ASIP: variants seen among roughly 807,000 people sequenced by gnomAD.
The protein encoded by ASIP is agouti signaling protein.
Under a neutral mutation model 10.3 loss-of-function variants are expected in ASIP, and 11 were observed. That is an observed-to-expected ratio of 1.07 (90% CI 0.68 to 1.78). ASIP has a LOEUF of 1.78. Among genes scored for constraint, ASIP ranks in the 40% most tolerant of loss-of-function variants. ASIP has a pLI of 0.00. For synonymous variants in ASIP, 70 were observed against 70.8 expected, an observed-to-expected ratio of 0.99 and a Z score of 0.06; for missense variants, 180 against 169.2, an observed-to-expected ratio of 1.06 and a Z score of -0.35.
intron 1 of ASIP, chr20:34,213,924 T>G: frequency 6.3e-7 from 1 of 1,577,686 alleles, no homozygotes; most frequent in Non-Finnish European, 8.6e-7. Context: ...GACAGTCTGC[T>G]AGAGAGGCTT....
chr20:34,248,735 G>A (rs1191194733), intron 1 of ASIP, among the ~76,000 whole-genome samples: 1 of 152,078 alleles, frequency 6.6e-6, no homozygotes. Flanking sequence ...AGGAGGTCAA[G>A]GCTGCAGTGA....
At chr20:34,237,243 G>A (rs1373146372), upstream of ASIP, among the ~76,000 whole-genome samples, 2 of 141,962 alleles carry the variant, frequency 1.4e-5, no homozygotes, top group African/African-American at 6.2e-5. Context: ...ATTTTAGAAT[G>A]GGTTTTTTTT....
chr20:34,253,147 GC>G (rs1367237002), intron 1 of ASIP, among the ~76,000 whole-genome samples: 3 of 148,702 alleles, frequency 2.0e-5, no homozygotes, highest in Admixed American at 6.8e-5. Context: ...TCGCTCTGTT[GC>G]CCAGGCTGGA....
chr20:34,253,492 A>C (rs368310658), intron 1 of ASIP, among the ~76,000 whole-genome samples: 2 of 147,530 alleles, frequency 1.4e-5, no homozygotes. Flanking sequence ...TATTTTTTAG[A>C]GACAGAGTCT....
At chr20:34,258,769 AATAT>A (rs1354827327) in intron 1 of ASIP, among the ~76,000 whole-genome samples, 3 of 96,324 alleles carry the variant, frequency 3.1e-5, no homozygotes, top group Admixed American at 1.5e-4. Context: ...TGATATATAT[AATAT>A]ATATAGTATA....
intron 1 of ASIP, chr20:34,214,118 G>GA: frequency 8.9e-7 from 1 of 1,119,880 alleles, no homozygotes; most frequent in South Asian, 1.2e-5. Context: ...AGGACTGGTG[G>GA]CCATTCTCAG....
chr20:34,234,211 T>G (rs1473158492), intron 1 of ASIP, among the ~76,000 whole-genome samples: 1 of 152,226 alleles, frequency 6.6e-6, no homozygotes, highest in Non-Finnish European at 1.5e-5. Flanking sequence ...TGATCCAGAC[T>G]GTTTGGTGGC....
chr20:34,238,400 T>C (rs1186308298), upstream of ASIP, among the ~76,000 whole-genome samples: 1 of 152,200 alleles, frequency 6.6e-6, no homozygotes, highest in African/African-American at 2.4e-5. Context: ...TTCAAGTTCA[T>C]TGAGTCTCTC....
chr20:34,247,379 C>T (rs1568762080), intron 1 of ASIP, among the ~76,000 whole-genome samples: 1 of 150,262 alleles, frequency 6.7e-6, no homozygotes, highest in Non-Finnish European at 1.5e-5. Context: ...CGGCTCACTG[C>T]AACCTCCGCC....
At chr20:34,249,125 T>C (rs908663406) in intron 1 of ASIP, among the ~76,000 whole-genome samples, 4 of 151,424 alleles carry the variant, frequency 2.6e-5, no homozygotes, top group South Asian at 2.1e-4. Flanking sequence ...TGAGACCCTG[T>C]CTCGAAAAAA....
intron 1 of ASIP, among the ~76,000 whole-genome samples, chr20:34,213,303 C>T (rs1033560891): frequency 6.6e-6 from 1 of 152,188 alleles, no homozygotes; most frequent in South Asian, 2.1e-4. Context: ...GAACCAATAA[C>T]TTTCTTTGCA....
chr20:34,220,510 G>A (rs145563623), intron 1 of ASIP, among the ~76,000 whole-genome samples: 2,985 of 151,876 alleles, frequency 0.02, 104 homozygotes, highest in African/African-American at 0.068. Context: ...TGGGAGGATC[G>A]CTTGAACCCA....
chr20:34,221,294 C>T (rs1490384769), intron 1 of ASIP, among the ~76,000 whole-genome samples: 2 of 151,788 alleles, frequency 1.3e-5, no homozygotes, highest in Admixed American at 6.6e-5. Flanking sequence ...AGGAGAATGG[C>T]GTGAACCTGG....
intron 1 of ASIP, among the ~76,000 whole-genome samples, chr20:34,259,853 C>T (rs565072491): frequency 3.7e-4 from 56 of 152,136 alleles, no homozygotes; most frequent in Non-Finnish European, 6.9e-4. Flanking sequence ...CATTCGTTCT[C>T]TCTGGGTTTG....
intron 1 of ASIP, among the ~76,000 whole-genome samples, chr20:34,227,452 GA>G (rs2035100632): frequency 1.3e-5 from 2 of 151,980 alleles, no homozygotes; most frequent in Admixed American, 1.3e-4. Flanking sequence ...CCAACATGGT[GA>G]AACCCCATCT....
chr20:34,206,905 G>A (rs1021967658), intron 1 of ASIP, among the ~76,000 whole-genome samples: 1 of 152,262 alleles, frequency 6.6e-6, no homozygotes, highest in Admixed American at 6.5e-5. Flanking sequence ...TTCATTTGTT[G>A]ATGGACAGTT....
At chr20:34,218,127 A>G (rs1382143847) in intron 1 of ASIP, among the ~76,000 whole-genome samples, 3 of 152,278 alleles carry the variant, frequency 2.0e-5, no homozygotes, top group Non-Finnish European at 2.9e-5. Context: ...TTTGCCAGAA[A>G]TGGAACTCTA....
the ASIP span, among the ~76,000 whole-genome samples, chr20:34,187,255 T>A: frequency 6.6e-6 from 1 of 152,278 alleles, no homozygotes; most frequent in African/African-American, 2.4e-5. Context: ...CCTAAATTGG[T>A]TCTTTTTTTT....
chr20:34,213,272 C>T (rs993203481), intron 1 of ASIP, among the ~76,000 whole-genome samples: 3 of 152,220 alleles, frequency 2.0e-5, no homozygotes, highest in Admixed American at 2.0e-4. Flanking sequence ...CTATCTTGGA[C>T]TTGCCAGCCT....
Sources: allele counts gnomAD v4.1 joint callset (sites outside exome capture counted in the v4.1 genomes callset), GRCh38; gene constraint gnomAD v4.1.1; transcripts MANE v1.5; gene names NCBI Gene and HGNC (gene_info 2026-07-23, HGNC 2026-07-21).